The following HLF variants were observed in gnomAD, a reference collection of about 807,000 sequenced individuals.
The protein encoded by HLF is hepatic leukemia factor.
HLF carries 3 observed loss-of-function variants against 22.6 expected under a neutral mutation model. The ratio of observed to expected loss-of-function variants is 0.13; its 90% CI spans 0.06 to 0.34. The LOEUF is 0.34. Among genes scored for constraint, HLF ranks in the 10% least tolerant of loss-of-function variants. HLF has a pLI of 1.00. For synonymous variants in HLF, 151 were observed against 151.8 expected (o/e 0.99, Z 0.04); for missense variants, 299 against 389.2 (o/e 0.77, Z 1.95).
At chr17:55,271,619 T>C (rs2080859431) in intron 2 of HLF, 1 of 152,222 alleles carries the variant, frequency 6.6e-6, no homozygotes, top group African/African-American at 2.4e-5. Context: ...AACCTCCACC[T>C]CCGGGGTCCA....
chr17:55,321,028 T>C lies in HLF; in HGVS notation c.*149T>C, dbSNP rs975953359. 1.2e-4 allele frequency: 80 copies of C among 642,352 alleles called. No homozygotes were observed. The highest frequency in any genetic ancestry group is 5.5e-5 in the African/African-American group (3 of 54,664). 39.8% of individuals were successfully genotyped at this position (642,352 alleles called of 1,614,324 possible). On this transcript the variant is annotated 3_prime_UTR_variant, in exon 4 of 4. Transcript: ENST00000226067. The stretch of plus-strand genomic sequence containing the variant: ...CCATTTTGGTGTGCATCTGTGTGTG[T>C]GTGCGTGTATATGTGCTTGTGCTCA...
rs2145380264 is a variant in HLF, at chr17:55,320,801, G to A, written c.810G>A (p.Glu270=). The A allele has an allele frequency of 6.2e-7, 1 of 1,613,978 alleles. No individual in the cohort carries two copies. Among genetic ancestry groups the A allele is most frequent in the Non-Finnish European group, 8.5e-7 (1 of 1,179,956 alleles). Residue 270 remains glutamate (E), a synonymous_variant, in exon 4 of 4, where the codon GAG becomes GAA. Coordinates refer to ENST00000226067, the MANE Select transcript of HLF (RefSeq NM_002126.5). The surrounding 1 kb of genome is among the most constrained non-coding windows in gnomAD (Gnocchi z 4.2). ...AGGAGAACTCGGCCCTCCGCCAGGAGGTGGCTGACTTGAGGAAGGAGCTGG... is the reference window on the plus strand; with the variant it reads ...AGGAGAACTCGGCCCTCCGCCAGGAAGTGGCTGACTTGAGGAAGGAGCTGG... ...LEKENSALRQ[E]VADLRKELGK...
At chr17:55,309,712 A>C (rs1016707500) in intron 2 of HLF, among the ~76,000 whole-genome samples, 5 of 152,258 alleles carry the variant, frequency 3.3e-5, no homozygotes, top group Non-Finnish European at 5.9e-5. Context: ...TAATGTTATC[A>C]GCTGGCTAAT....
At position 55,267,890 on chromosome 17, in the gene HLF, C is replaced by T; in HGVS notation, c.255C>T (p.Tyr85=). ...PYDGDTFQLE[Y]MDLEEFLSEN... is the part of the protein sequence containing the mutation. ...ACGGAGATACTTTCCAGTTGGAATACATGGACCTGGAGGAGTTTTTGTCAG... is the reference window on the plus strand; with the variant it reads ...ACGGAGATACTTTCCAGTTGGAATATATGGACCTGGAGGAGTTTTTGTCAG... Residue 85 remains tyrosine, a synonymous_variant, in exon 2 of 4, where the codon TAC becomes TAT. Coordinates refer to ENST00000226067, the MANE Select transcript of HLF (RefSeq NM_002126.5). 1 of 1,614,130 alleles carries T rather than the reference C, an allele frequency of 6.2e-7. No individual in the cohort carries two copies. The highest frequency in any genetic ancestry group is 1.3e-5 in the African/African-American group (1 of 75,032).
At chr17:55,308,686 A>T (rs938403822) in intron 2 of HLF, among the ~76,000 whole-genome samples, 10 of 152,218 alleles carry the variant, frequency 6.6e-5, no homozygotes, top group Non-Finnish European at 1.3e-4. Flanking sequence ...AAATCCTGCT[A>T]TAATGTTATT....
Position 55,295,336 on chromosome 17 carries a change from C to G in HLF, c.452-19891C>G, listed in dbSNP as rs377563100. Reference sequence around the variant, plus strand: ...AGAATGAATTTTCATTAAATATGCACCAGTAATTCACAGGAAATGATCAGG... The same window carrying G: ...AGAATGAATTTTCATTAAATATGCAGCAGTAATTCACAGGAAATGATCAGG... On this transcript the variant is annotated intron_variant, in intron 2 of 3. Transcript: ENST00000226067. Among the ~76,000 whole-genome samples, 64 of 152,238 alleles carry G rather than the reference C, an allele frequency of 4.2e-4. No individual in the cohort carries two copies. The South Asian group carries it at 0.013, about 32-fold the overall frequency.
chr17:55,294,984 C>G (rs754536045), intron 2 of HLF, among the ~76,000 whole-genome samples: 10 of 152,146 alleles, frequency 6.6e-5, no homozygotes, highest in Non-Finnish European at 1.3e-4. Context: ...TGCATTTATT[C>G]ATCATTAGTA....
Position 55,267,938 on chromosome 17 carries a change from A to G in HLF, c.303A>G (p.Pro101=). The G allele has an allele frequency of 1.2e-6, 2 of 1,614,030 alleles. No individual in the cohort carries two copies. The highest frequency in any genetic ancestry group is 8.5e-7 in the Non-Finnish European group (1 of 1,179,982). ...CAGAAAATGGCATTCCCCCCAGCCCATCTCAGCATGACCACAGCCCTCACC... is the reference window on the plus strand; with the variant it reads ...CAGAAAATGGCATTCCCCCCAGCCCGTCTCAGCATGACCACAGCCCTCACC... The part of the protein sequence containing the change: ...FLSENGIPPS[P]SQHDHSPHPP... Residue 101 remains proline (P), a synonymous_variant, in exon 2 of 4, where the codon CCA becomes CCG. Transcript: ENST00000226067.
intron 2 of HLF, 72 bp downstream of exon 2, chr17:55,268,158 C>A: frequency 1.8e-6 from 2 of 1,109,324 alleles, no homozygotes; most frequent in Non-Finnish European, 2.6e-6. Flanking sequence ...GTAGAGTTAG[C>A]ATAAACATCT....
chr17:55,308,549 G>C (rs1267275277), intron 2 of HLF, among the ~76,000 whole-genome samples: 1 of 152,158 alleles, frequency 6.6e-6, no homozygotes, highest in Non-Finnish European at 1.5e-5. Flanking sequence ...TTAGGATTTA[G>C]AGGGGCATTT....
chr17:55,305,377 C>T (rs1904497263), intron 2 of HLF, among the ~76,000 whole-genome samples: 1 of 152,190 alleles, frequency 6.6e-6, no homozygotes, highest in Admixed American at 6.5e-5. Context: ...AAGCAGGATG[C>T]CTGGCTGCCT....
intron 2 of HLF, among the ~76,000 whole-genome samples, chr17:55,310,467 C>A (rs1301432699): frequency 6.6e-6 from 1 of 152,186 alleles, no homozygotes; most frequent in Admixed American, 6.5e-5. Flanking sequence ...AGAATTGGAA[C>A]TGCCTTACTT....
intron 2 of HLF, among the ~76,000 whole-genome samples, chr17:55,313,248 C>T (rs949300923): frequency 7.9e-5 from 12 of 152,054 alleles, no homozygotes; most frequent in Non-Finnish European, 4.4e-5. Flanking sequence ...AAATGAGGAG[C>T]AGTCTTTGTA....
At chr17:55,315,738 A>C (rs1282427637) in intron 3 of HLF, among the ~76,000 whole-genome samples, 1 of 152,240 alleles carries the variant, frequency 6.6e-6, no homozygotes, top group Admixed American at 6.5e-5. Context: ...GGAAACCCAC[A>C]AAAGTCTAAT....
chr17:55,265,933 C>G, intron 1 of HLF: 1 of 931,178 alleles, frequency 1.1e-6, no homozygotes, highest in Non-Finnish European at 1.3e-6. Flanking sequence ...GCAGAGCGAG[C>G]CCGCCTGCGG....
intron 2 of HLF, among the ~76,000 whole-genome samples, chr17:55,290,719 C>CT (rs978330263): frequency 1.3e-5 from 2 of 152,250 alleles, no homozygotes; most frequent in African/African-American, 4.8e-5. Context: ...AGGTCTCTCA[C>CT]TTTAAGTCAA....
rs1328432060 is a variant in HLF, at chr17:55,321,190, C to G, written c.*311C>G. The G allele has an allele frequency of 1.3e-5, 4 of 314,212 alleles. No homozygotes were observed. The highest frequency in any genetic ancestry group is 4.5e-5 in the Admixed American group (1 of 22,174). 19.5% of individuals were successfully genotyped at this position (314,212 alleles called of 1,614,324 possible). The stretch of plus-strand genomic sequence containing the variant: ...GACTGAGGAGCCCTCTCGCGGGTCT[C>G]CCATCCCCTCCCTCCTTCACTCCTG... On this transcript the variant is annotated 3_prime_UTR_variant, in exon 4 of 4. Coordinates refer to ENST00000226067, the MANE Select transcript of HLF (RefSeq NM_002126.5).
At chr17:55,296,917 T>G (rs1456010440) in intron 2 of HLF, among the ~76,000 whole-genome samples, 6 of 152,176 alleles carry the variant, frequency 3.9e-5, no homozygotes, top group Non-Finnish European at 8.8e-5. Context: ...GTATCTGTAC[T>G]TTTACAGAGC....
At chr17:55,293,742 T>A (rs528521853) in intron 2 of HLF, among the ~76,000 whole-genome samples, 2 of 152,244 alleles carry the variant, frequency 1.3e-5, no homozygotes, top group East Asian at 3.9e-4. Context: ...CCAAAGCCCA[T>A]TCATGGAGCC....
Sources: gnomAD v4.1 joint callset for allele counts (sites outside exome capture counted in the v4.1 genomes callset) on GRCh38, gnomAD v4.1.1 for gene constraint, Gnocchi (gnomAD v3.1) non-coding constraint, MANE v1.5 for transcripts, NCBI Gene and HGNC (gene_info 2026-07-23, HGNC 2026-07-21) for gene names.